Variants in SLF1 observed in about 807,000 individuals in gnomAD.
The protein encoded by SLF1 is SMC5-SMC6 complex localization factor protein 1.
Under a neutral mutation model 123.0 loss-of-function variants are expected in SLF1, and 105 were observed. The ratio of observed to expected loss-of-function variants is 0.85; its 90% CI spans 0.73 to 1.00. The LOEUF is 1.00. Among genes scored for constraint, SLF1 ranks in the 50% least tolerant of loss-of-function variants. SLF1 has a pLI of 0.00. For synonymous variants in SLF1, 434 were observed against 406.6 expected (o/e 1.07, Z -0.81); for missense variants, 1,239 against 1,223.0 (o/e 1.01, Z -0.20).
At chr5:94,623,838 C>T (rs1050419994) in intron 1 of SLF1, among the ~76,000 whole-genome samples, 1 of 152,006 alleles carries the variant, frequency 6.6e-6, no homozygotes, top group African/African-American at 2.4e-5. Flanking sequence ...ACCATCAAAC[C>T]ATGAATTTTA....
chr5:94,620,928 ACT>A (rs1791730510), intron 1 of SLF1, among the ~76,000 whole-genome samples: 1 of 152,136 alleles, frequency 6.6e-6, no homozygotes, highest in African/African-American at 2.4e-5. Flanking sequence ...CATATGAATC[ACT>A]CTAATGATTG....
At chr5:94,652,805 T>G (rs749718856) in intron 7 of SLF1, among the ~76,000 whole-genome samples, 18 of 152,192 alleles carry the variant, frequency 1.2e-4, no homozygotes. Flanking sequence ...ATTTTACTAA[T>G]GTACACCTAC....
intron 9 of SLF1, among the ~76,000 whole-genome samples, chr5:94,656,112 G>A (rs1748347826): frequency 6.6e-6 from 1 of 151,972 alleles, no homozygotes; most frequent in African/African-American, 2.4e-5. Flanking sequence ...TTATGTTGAA[G>A]TACTTCTGTG....
intron 9 of SLF1, among the ~76,000 whole-genome samples, chr5:94,657,396 C>A (rs1432891866): frequency 6.6e-6 from 1 of 151,952 alleles, no homozygotes; most frequent in Non-Finnish European, 1.5e-5. Context: ...CCATTGTTGT[C>A]TGAGAAAGAT....
In SLF1 at chr5:94,624,674, G is replaced by T. The variant is rs540393831; in HGVS notation, c.1-4137G>T. On this transcript the variant is annotated intron_variant, in intron 1 of 20. Transcript: ENST00000265140. Reference sequence around the variant, plus strand: ...GACAAGCTTTAAATGAAACTTTTGGGTAACAGTGTTATAACAATTTTTTTA... The same window carrying T: ...GACAAGCTTTAAATGAAACTTTTGGTTAACAGTGTTATAACAATTTTTTTA... Among the ~76,000 whole-genome samples, 64 of 152,110 alleles carry T rather than the reference G, an allele frequency of 4.2e-4. 1 individual carries two copies. Among genetic ancestry groups the T allele is most frequent in the Admixed American group, 1.9e-3 (29 of 15,278 alleles).
At chr5:94,645,552 A>G (rs1585138233) in intron 5 of SLF1, among the ~76,000 whole-genome samples, 1 of 152,254 alleles carries the variant, frequency 6.6e-6, no homozygotes, top group African/African-American at 2.4e-5. Flanking sequence ...TAACTAGATT[A>G]GTAAAGGTAT....
chr5:94,626,217 C>T (rs1792230313), intron 1 of SLF1, among the ~76,000 whole-genome samples: 1 of 146,818 alleles, frequency 6.8e-6, no homozygotes, highest in South Asian at 2.1e-4. Flanking sequence ...CACGCCATTG[C>T]ACTCCAGCCT....
intron 7 of SLF1, 138 bp from the exon 8 acceptor site, chr5:94,653,134 G>A (rs1016523579): frequency 6.4e-6 from 5 of 776,020 alleles, no homozygotes. Context: ...AGAGATTACA[G>A]GCATGAGCCA....
intron 9 of SLF1, among the ~76,000 whole-genome samples, chr5:94,657,106 G>T (rs1233146560): frequency 6.7e-6 from 1 of 150,078 alleles, no homozygotes; most frequent in African/African-American, 2.4e-5. Flanking sequence ...GTTTGTTCTT[G>T]CTCTTCTTCT....
intron 6 of SLF1, among the ~76,000 whole-genome samples, chr5:94,650,488 G>A (rs562398022): frequency 7.3e-4 from 110 of 151,178 alleles, no homozygotes; most frequent in African/African-American, 2.4e-3. Flanking sequence ...TCAGCCTCCC[G>A]AGTAGCTGGG....
At chr5:94,657,489 C>G (rs1748546461) in intron 9 of SLF1, among the ~76,000 whole-genome samples, 1 of 152,036 alleles carries the variant, frequency 6.6e-6, no homozygotes, top group East Asian at 1.9e-4. Flanking sequence ...GTCCCATATA[C>G]TAATGAGAAG....
chr5:94,636,122 C>G (rs1030517192), intron 4 of SLF1, among the ~76,000 whole-genome samples: 2 of 152,158 alleles, frequency 1.3e-5, no homozygotes, highest in African/African-American at 2.4e-5. Flanking sequence ...TCTTTCCTGA[C>G]TTGAAGTGTT....
At chr5:94,689,732 C>T (rs1752868378) in intron 18 of SLF1, 126 bp downstream of exon 18, 1 of 765,482 alleles carries the variant, frequency 1.3e-6, no homozygotes, top group Admixed American at 2.9e-5. Flanking sequence ...CCAGGAAGTA[C>T]CTTCTTGGAT....
chr5:94,673,671 CAG>C (rs998761749), intron 14 of SLF1, among the ~76,000 whole-genome samples: 2 of 128,730 alleles, frequency 1.6e-5, no homozygotes, highest in Non-Finnish European at 3.1e-5. Flanking sequence ...GCCTGGGTGA[CAG>C]AGTGAGACCT....
At chr5:94,654,861 A>G (rs1748192247) in intron 9 of SLF1, 109 bp downstream of exon 9, 1 of 799,196 alleles carries the variant, frequency 1.3e-6, no homozygotes. Context: ...TATGTTTAAT[A>G]TGTCTTAAAA....
intron 4 of SLF1, among the ~76,000 whole-genome samples, chr5:94,634,415 T>C (rs181357853): frequency 6.6e-6 from 1 of 152,336 alleles, no homozygotes; most frequent in Non-Finnish European, 1.5e-5. Context: ...CTTTCACATA[T>C]AAGTTAAAAA....
At chr5:94,663,338 T>C (rs1435016453) in intron 10 of SLF1, among the ~76,000 whole-genome samples, 1 of 152,252 alleles carries the variant, frequency 6.6e-6, no homozygotes, top group Non-Finnish European at 1.5e-5. Context: ...ATTTCACAGA[T>C]GAGGAAATTA....
intron 4 of SLF1, among the ~76,000 whole-genome samples, chr5:94,632,846 G>A (rs1348857062): frequency 6.6e-6 from 1 of 151,266 alleles, no homozygotes; most frequent in South Asian, 2.1e-4. Flanking sequence ...GACTACAGGT[G>A]CCCGGCTAAT....
At chr5:94,630,472 C>T (rs757893845) in intron 3 of SLF1, 31 bp from the exon 4 acceptor site, 2 of 1,526,004 alleles carry the variant, frequency 1.3e-6, no homozygotes, top group South Asian at 2.5e-5. Context: ...ACCAAAATTC[C>T]TTTGTGACTG....
Sources: gnomAD v4.1 joint callset for allele counts (sites outside exome capture counted in the v4.1 genomes callset) on GRCh38, gnomAD v4.1.1 for gene constraint, MANE v1.5 for transcripts, NCBI Gene and HGNC (gene_info 2026-07-23, HGNC 2026-07-21) for gene names.